The following TFCP2L1 variants were observed in gnomAD, a reference collection of about 807,000 sequenced individuals.
TFCP2L1 encodes transcription factor CP2 like 1.
Under a neutral mutation model 72.2 loss-of-function variants are expected in TFCP2L1, and 12 were observed. That is an observed-to-expected ratio of 0.17 (90% CI 0.11 to 0.27). TFCP2L1 has a LOEUF of 0.27. TFCP2L1 is among the 10% of genes least tolerant of loss of function. The pLI is 1.00. For synonymous variants in TFCP2L1, 260 were observed against 251.0 expected (o/e 1.04, Z -0.34); for missense variants, 488 against 624.6 (o/e 0.78, Z 2.33).
chr2:121,280,334 G>C (rs1399388033), intron 2 of TFCP2L1, among the ~76,000 whole-genome samples: 2 of 152,192 alleles, frequency 1.3e-5, no homozygotes, highest in East Asian at 3.9e-4. Flanking sequence ...TAGCATGGAT[G>C]GAACCCTGCT....
At chr2:121,237,041 C>T (rs759806119) in intron 10 of TFCP2L1, among the ~76,000 whole-genome samples, 1 of 152,212 alleles carries the variant, frequency 6.6e-6, no homozygotes, top group Non-Finnish European at 1.5e-5. Flanking sequence ...ATCCGCTCCT[C>T]TAGTTGTGGC....
chr2:121,262,232 C>T (rs971625103), intron 2 of TFCP2L1, among the ~76,000 whole-genome samples: 1 of 152,080 alleles, frequency 6.6e-6, no homozygotes, highest in Non-Finnish European at 1.5e-5. Context: ...TTTGGGAGGC[C>T]GAAGCAGGTG....
rs143322850 is a variant in TFCP2L1, at chr2:121,239,624, T to C, written c.794A>G (p.Tyr265Cys). ...TECSPWPDVA[Y>C]QVNSAPSPSY... ...TGGGGACGGGGCGCTGTTCACCTGG[T>C]AGGCCACGTCGGGCCATGGAGAGCA... is the stretch of plus-strand genomic sequence containing the variant. The change falls in exon 8 of 15, where the codon TAC (tyrosine) becomes TGC (cysteine). Residue 265 changes from tyrosine to cysteine, a missense_variant. This residue lies in a region of TFCP2L1 where 286 missense variants were observed against 329.0 expected (regional missense o/e 0.87). Transcript: ENST00000263707. 53 of 1,614,050 alleles carry C rather than the reference T, an allele frequency of 3.3e-5. No homozygotes were observed. Among genetic ancestry groups the C allele is most frequent in the Non-Finnish European group, 4.1e-5 (48 of 1,180,032 alleles).
chr2:121,244,919 G>A (rs1273107143), intron 6 of TFCP2L1, among the ~76,000 whole-genome samples: 1 of 152,178 alleles, frequency 6.6e-6, no homozygotes, highest in Non-Finnish European at 1.5e-5. Flanking sequence ...TCCCAGAGCA[G>A]GCAGAAATAC....
At chr2:121,257,886 G>A (rs1573383325) in intron 2 of TFCP2L1, among the ~76,000 whole-genome samples, 1 of 152,066 alleles carries the variant, frequency 6.6e-6, no homozygotes, top group Non-Finnish European at 1.5e-5. Context: ...CCTTGAATGA[G>A]GGGCTAAGTC....
In TFCP2L1 at chr2:121,239,652, G is replaced by A; in HGVS notation, c.769-3C>T. 1.2e-6 allele frequency: 2 copies of A among 1,613,450 alleles called. No homozygotes were observed. Among genetic ancestry groups the A allele is most frequent in the Non-Finnish European group, 1.7e-6 (2 of 1,179,630 alleles). On this transcript the variant is annotated splice_polypyrimidine_tract_variant and splice_region_variant and intron_variant, in intron 7 of 14. Transcript: ENST00000263707. ...GCCACGTCGGGCCATGGAGAGCACT[G>A]CAGGAGAGAGCACAGGGCGAGCTGG... is the stretch of plus-strand genomic sequence containing the variant.
At chr2:121,248,765 C>T (rs1458880292) in intron 4 of TFCP2L1, among the ~76,000 whole-genome samples, 1 of 152,246 alleles carries the variant, frequency 6.6e-6, no homozygotes, top group African/African-American at 2.4e-5. Flanking sequence ...GAGCAGGTCT[C>T]TCAATTCCAC....
intron 7 of TFCP2L1, among the ~76,000 whole-genome samples, chr2:121,241,473 G>C (rs1686365938): frequency 6.6e-6 from 1 of 152,066 alleles, no homozygotes; most frequent in Non-Finnish European, 1.5e-5. Context: ...CTCCAGCCTA[G>C]GCAACAGAGC....
intron 6 of TFCP2L1, among the ~76,000 whole-genome samples, chr2:121,245,011 G>A (rs1186416647): frequency 6.6e-6 from 1 of 152,194 alleles, no homozygotes. Flanking sequence ...CTAATCCCCA[G>A]AACCTGTGAA....
intron 13 of TFCP2L1, among the ~76,000 whole-genome samples, chr2:121,228,185 CTGCTTCACT>C (rs1207596710): frequency 2.0e-5 from 3 of 152,240 alleles, no homozygotes; most frequent in Non-Finnish European, 4.4e-5. Context: ...GTTCTGCTCT[CTGCTTCACT>C]TGCTTCACTG....
intron 13 of TFCP2L1, among the ~76,000 whole-genome samples, chr2:121,230,441 G>C (rs1029761363): frequency 2.0e-5 from 3 of 151,950 alleles, no homozygotes; most frequent in African/African-American, 7.2e-5. Context: ...CAAAGTGCTG[G>C]GATTACAGGT....
intron 6 of TFCP2L1, among the ~76,000 whole-genome samples, chr2:121,243,006 C>T (rs1315902748): frequency 6.6e-6 from 1 of 152,196 alleles, no homozygotes; most frequent in Non-Finnish European, 1.5e-5. Context: ...ACAGGCTTCA[C>T]AGCTATTATT....
At chr2:121,270,293 C>T (rs1687020016) in intron 2 of TFCP2L1, among the ~76,000 whole-genome samples, 1 of 152,192 alleles carries the variant, frequency 6.6e-6, no homozygotes, top group Non-Finnish European at 1.5e-5. Flanking sequence ...GACCAAGTCT[C>T]TGCCCTCAAG....
intron 2 of TFCP2L1, among the ~76,000 whole-genome samples, chr2:121,261,867 G>A (rs989523036): frequency 6.6e-6 from 1 of 152,144 alleles, no homozygotes; most frequent in Non-Finnish European, 1.5e-5. Context: ...TCAGCAAGGT[G>A]AACAGCACCA....
intron 6 of TFCP2L1, among the ~76,000 whole-genome samples, chr2:121,244,574 C>T (rs544734585): frequency 2.6e-5 from 4 of 152,284 alleles, no homozygotes; most frequent in South Asian, 2.1e-4. Flanking sequence ...CCCCAAGCAA[C>T]GCCTGGCATG....
rs188507372 is a variant in TFCP2L1 at position 121,226,032 on chromosome 2, C to T, written c.1342-419G>A. ...ACCACTGCCACGGTGTCCATACACACGGGAACGTGGTAAACACCACTGCCA... is the reference window on the plus strand; with the variant it reads ...ACCACTGCCACGGTGTCCATACACATGGGAACGTGGTAAACACCACTGCCA... On this transcript the variant is annotated intron_variant, in intron 13 of 14. Transcript: ENST00000263707. 3.0e-4 allele frequency among the ~76,000 whole-genome samples: 42 copies of T among 139,324 alleles called. 2 individuals carry two copies. Among genetic ancestry groups the T allele is most frequent in the Non-Finnish European group, 3.7e-4 (24 of 64,270 alleles). The allele number at this position is 139,324 out of a possible 152,430, so 91.4% of individuals were successfully genotyped here.
intron 2 of TFCP2L1, among the ~76,000 whole-genome samples, chr2:121,250,466 T>C (rs923029864): frequency 6.6e-6 from 1 of 151,536 alleles, no homozygotes; most frequent in African/African-American, 2.4e-5. Flanking sequence ...AAAAAATATA[T>C]ATATATAACT....
At chr2:121,261,571 T>G (rs1342740780) in intron 2 of TFCP2L1, among the ~76,000 whole-genome samples, 2 of 152,112 alleles carry the variant, frequency 1.3e-5, no homozygotes, top group Admixed American at 1.3e-4. Flanking sequence ...ATATAGTAAG[T>G]GAATAAATAA....
At chr2:121,277,085 C>T (rs967063039) in intron 2 of TFCP2L1, among the ~76,000 whole-genome samples, 25 of 152,184 alleles carry the variant, frequency 1.6e-4, no homozygotes, top group Admixed American at 1.5e-3. Context: ...AAATAGTATG[C>T]CCTTATCCAT....
Sources: allele counts gnomAD v4.1 joint callset (sites outside exome capture counted in the v4.1 genomes callset), GRCh38; gene constraint gnomAD v4.1.1; regional missense constraint gnomAD v4.1.1; transcripts MANE v1.5; gene names NCBI Gene and HGNC (gene_info 2026-07-23, HGNC 2026-07-21).